Variants in PLA2G12B observed in about 807,000 individuals in gnomAD.
PLA2G12B encodes the protein phospholipase A2 group XIIB.
Under a neutral mutation model 22.3 loss-of-function variants are expected in PLA2G12B, and 19 were observed. The ratio of observed to expected loss-of-function variants is 0.85; its 90% CI spans 0.60 to 1.25. The LOEUF is 1.25. Among genes scored for constraint, PLA2G12B ranks in the 50% most tolerant of loss-of-function variants. PLA2G12B has a pLI of 0.00. For missense variants in PLA2G12B, 191 were observed against 246.6 expected, an observed-to-expected ratio of 0.77 and a Z score of 1.51; for synonymous variants, 81 against 94.9, an observed-to-expected ratio of 0.85 and a Z score of 0.85.
chr10:72,941,256 A>G lies in PLA2G12B; in HGVS notation c.379T>C (p.Tyr127His), dbSNP rs1846355935. Residue 127 changes from tyrosine to histidine, a missense_variant, in exon 3 of 4, where the codon TAT becomes CAT. By Grantham distance (83) the Tyr-to-His change is moderately conservative. Transcript: ENST00000373032. ...VCYDTCGANK[Y>H]RCDAKFRWCL... ...CATCGGAATTTTGCATCACAGCGAT[A>G]TTTGTTGGCACCGCAAGTGTCATAA... 6.2e-7 allele frequency: 1 copy of G among 1,613,792 alleles called. No homozygotes were observed. The highest frequency in any genetic ancestry group is 1.3e-5 in the African/African-American group (1 of 74,912).
intron 1 of PLA2G12B, among the ~76,000 whole-genome samples, chr10:72,953,373 G>A (rs1381046222): frequency 1.3e-5 from 2 of 152,208 alleles, no homozygotes; most frequent in Non-Finnish European, 2.9e-5. Flanking sequence ...AGAGACTTAA[G>A]GGTGAGTCCG....
intron 1 of PLA2G12B, among the ~76,000 whole-genome samples, chr10:72,945,985 T>A (rs1247577926): frequency 6.6e-6 from 1 of 152,228 alleles, no homozygotes; most frequent in African/African-American, 2.4e-5. Flanking sequence ...ATATTTTTTC[T>A]ATGACAGCTT....
chr10:72,953,360 T>TAG (rs937388082), intron 1 of PLA2G12B, among the ~76,000 whole-genome samples: 1 of 152,198 alleles, frequency 6.6e-6, no homozygotes, highest in African/African-American at 2.4e-5. Context: ...CAAAAAGGAA[T>TAG]AGAGAGACTT....
intron 2 of PLA2G12B, among the ~76,000 whole-genome samples, chr10:72,942,346 A>G (rs1042514429): frequency 1.3e-5 from 2 of 152,174 alleles, no homozygotes; most frequent in African/African-American, 2.4e-5. Flanking sequence ...ACTAATTTCA[A>G]TAAGTCAAAC....
At chr10:72,937,395 G>A (rs1467247444) in intron 3 of PLA2G12B, among the ~76,000 whole-genome samples, 2 of 152,102 alleles carry the variant, frequency 1.3e-5, no homozygotes, top group Non-Finnish European at 2.9e-5. Context: ...ACCCAAGCTC[G>A]TGATTTAGTA....
chr10:72,936,132 G>T (rs1371483639), intron 3 of PLA2G12B, among the ~76,000 whole-genome samples: 1 of 152,084 alleles, frequency 6.6e-6, no homozygotes, highest in Non-Finnish European at 1.5e-5. Flanking sequence ...TCAAGTATTG[G>T]ATGAACAACC....
chr10:72,948,883 G>A (rs1846483344), intron 1 of PLA2G12B, among the ~76,000 whole-genome samples: 1 of 152,204 alleles, frequency 6.6e-6, no homozygotes, highest in Non-Finnish European at 1.5e-5. Flanking sequence ...GAGGGAGATC[G>A]AGAAGTGTTA....
intron 3 of PLA2G12B, among the ~76,000 whole-genome samples, chr10:72,937,780 C>G (rs1009921793): frequency 2.6e-5 from 4 of 151,884 alleles, no homozygotes; most frequent in African/African-American, 9.7e-5. Context: ...GAACAAATAC[C>G]ACATGATCAT....
At chr10:72,953,867 C>T (rs937270809) in intron 1 of PLA2G12B, among the ~76,000 whole-genome samples, 5 of 152,350 alleles carry the variant, frequency 3.3e-5, no homozygotes, top group Admixed American at 1.3e-4. Context: ...GCATGCCTGT[C>T]GTTGCCGAGG....
chr10:72,940,671 CA>C (rs1002651965), intron 3 of PLA2G12B, among the ~76,000 whole-genome samples: 3 of 150,390 alleles, frequency 2.0e-5, no homozygotes, highest in South Asian at 2.1e-4. Flanking sequence ...GATTCTGTCT[CA>C]AAAAAAATTT....
rs1443914507 is a variant in PLA2G12B at position 72,942,669 on chromosome 10, G to T, written c.283C>A (p.Leu95Ile). 1 of 1,606,164 alleles carries T rather than the reference G, an allele frequency of 6.2e-7. No homozygotes were observed. The highest frequency in any genetic ancestry group is 1.7e-5 in the Admixed American group (1 of 59,220). The change falls in exon 2 of 4, where the codon CTC becomes ATC. Residue 95 changes from leucine to isoleucine, a missense_variant. Transcript: ENST00000373032. ...GTACATACACTTTCTGGTACCTTGA[G>T]ACCCAGGAAATAGGAGCCGCAGCCA... ...PNGCGSYFLG[L>I]KVPESMDLGI... is the part of the protein sequence containing the mutation.
intron 1 of PLA2G12B, among the ~76,000 whole-genome samples, chr10:72,948,122 C>T (rs1397999352): frequency 6.6e-6 from 1 of 152,192 alleles, no homozygotes; most frequent in Non-Finnish European, 1.5e-5. Context: ...GTGAGCTGCC[C>T]TCCTTGGCCT....
rs34740594 is a variant in PLA2G12B, at chr10:72,942,149, G to GGTGTGTGT, written c.300+495_300+502dup. ...AAATACAAAAATTAGCAGGGCGTCG[G>GGTGTGTGT]GTGTGTGTGTGTGTGTGTGTGTGTG... On this transcript the variant is annotated intron_variant, in intron 2 of 3. Coordinates refer to ENST00000373032, the MANE Select transcript of PLA2G12B (RefSeq NM_032562.5). Among the ~76,000 whole-genome samples, 597 of 136,028 alleles carry GGTGTGTGT rather than the reference G, an allele frequency of 4.4e-3. 5 individuals are homozygous for GGTGTGTGT. The highest frequency in any genetic ancestry group is 9.1e-3 in the East Asian group (41 of 4,506). 89.2% of individuals were successfully genotyped at this position (136,028 alleles called of 152,430 possible).
At position 72,954,463 on chromosome 10, in the gene PLA2G12B, C is replaced by A. The variant is rs1846583979; in HGVS notation, c.211+12G>T. On this transcript the variant is annotated intron_variant, in intron 1 of 3. Coordinates refer to ENST00000373032, the MANE Select transcript of PLA2G12B (RefSeq NM_032562.5). ...GCAACAGTTTTTACAGAAAGAGAAACCGCACACTCACCATATCGGCACCTG... is the reference window on the plus strand; with the variant it reads ...GCAACAGTTTTTACAGAAAGAGAAAACGCACACTCACCATATCGGCACCTG... 1 of 1,614,046 alleles carries A rather than the reference C, an allele frequency of 6.2e-7. No homozygotes were observed.
chr10:72,938,318 A>G (rs1255022302), intron 3 of PLA2G12B, among the ~76,000 whole-genome samples: 1 of 152,138 alleles, frequency 6.6e-6, no homozygotes, highest in Non-Finnish European at 1.5e-5. Context: ...CAATACTTCT[A>G]TTCAATGTTG....
intron 1 of PLA2G12B, among the ~76,000 whole-genome samples, chr10:72,945,163 A>G (rs992858555): frequency 1.3e-5 from 2 of 152,194 alleles, no homozygotes; most frequent in Non-Finnish European, 2.9e-5. Flanking sequence ...GTGGTCCAAG[A>G]TGACTTCCAA....
intron 1 of PLA2G12B, among the ~76,000 whole-genome samples, chr10:72,953,712 G>A (rs1589548699): frequency 6.6e-6 from 1 of 152,046 alleles, no homozygotes; most frequent in Admixed American, 6.5e-5. Flanking sequence ...CGGCAGCCAG[G>A]TGTGCACCTT....
intron 1 of PLA2G12B, among the ~76,000 whole-genome samples, chr10:72,949,111 A>G (rs1465323853): frequency 1.3e-5 from 2 of 152,194 alleles, no homozygotes; most frequent in Admixed American, 6.6e-5. Context: ...TAAAAGGTAC[A>G]TCTGCAGCAA....
In PLA2G12B at chr10:72,954,746, A is replaced by G. The variant is rs1407524825; in HGVS notation, c.-61T>C. On this transcript the variant is annotated 5_prime_UTR_variant, in exon 1 of 4. Transcript: ENST00000373032. ...ACCCCAGCCAGTGTCCCAGAATTCC[A>G]GGGACAAACCCCCTACCCAGATGTC... The G allele has an allele frequency of 7.7e-6, 12 of 1,558,318 alleles. No individual in the cohort carries two copies. The highest frequency in any genetic ancestry group is 1.4e-5 in the African/African-American group (1 of 73,610).
Sources: gnomAD v4.1 joint callset for allele counts (sites outside exome capture counted in the v4.1 genomes callset) on GRCh38, gnomAD v4.1.1 for gene constraint, MANE v1.5 for transcripts, NCBI Gene and HGNC (gene_info 2026-07-23, HGNC 2026-07-21) for gene names.